The following CADPS2 variants were observed in gnomAD, a reference collection of about 807,000 sequenced individuals.
CADPS2 encodes calcium dependent secretion activator 2.
CADPS2 carries 93 observed loss-of-function variants against 172.5 expected under a neutral mutation model. That is an observed-to-expected ratio of 0.54 (90% CI 0.46 to 0.64). CADPS2 has a LOEUF of 0.64. Ranked by LOEUF, CADPS2 falls within the 30% of genes least tolerant of loss-of-function variation. CADPS2 has a pLI of 0.00. For synonymous variants in CADPS2, 546 were observed against 555.2 expected (o/e 0.98, Z 0.23); for missense variants, 1,420 against 1,565.9 (o/e 0.91, Z 1.57).
intron 3 of CADPS2, among the ~76,000 whole-genome samples, chr7:122,652,261 A>G (rs1023612662): frequency 1.3e-5 from 2 of 152,148 alleles, no homozygotes; most frequent in African/African-American, 4.8e-5. Flanking sequence ...ACATATATAT[A>G]TATGCTCTGC....
intron 1 of CADPS2, among the ~76,000 whole-genome samples, chr7:122,871,989 A>T (rs764281590): frequency 6.6e-6 from 1 of 152,082 alleles, no homozygotes; most frequent in Non-Finnish European, 1.5e-5. Flanking sequence ...ATCACCATAC[A>T]TATGACAACA....
At chr7:122,756,696 C>T (rs1237301903) in intron 1 of CADPS2, among the ~76,000 whole-genome samples, 1 of 152,004 alleles carries the variant, frequency 6.6e-6, no homozygotes, top group Non-Finnish European at 1.5e-5. Context: ...GTCAGGAGTT[C>T]GAGACCAGCC....
At chr7:122,740,711 T>C (rs761876791) in intron 1 of CADPS2, among the ~76,000 whole-genome samples, 1 of 151,784 alleles carries the variant, frequency 6.6e-6, no homozygotes, top group African/African-American at 2.4e-5. Context: ...TGGCAAAAAA[T>C]ACCATAGGCA....
chr7:122,570,790 A>T (rs1331540907), intron 7 of CADPS2, among the ~76,000 whole-genome samples: 3 of 152,236 alleles, frequency 2.0e-5, no homozygotes, highest in South Asian at 2.1e-4. Context: ...AGGACAAAAA[A>T]CCAAACACCA....
At chr7:122,571,123 A>G (rs2067203439) in intron 7 of CADPS2, among the ~76,000 whole-genome samples, 1 of 152,116 alleles carries the variant, frequency 6.6e-6, no homozygotes, top group African/African-American at 2.4e-5. Context: ...AAGAAGGTAT[A>G]AATAATATGA....
At chr7:122,734,720 A>C (rs1224199026) in intron 2 of CADPS2, among the ~76,000 whole-genome samples, 1 of 152,098 alleles carries the variant, frequency 6.6e-6, no homozygotes, top group Non-Finnish European at 1.5e-5. Flanking sequence ...TTTTCCAACT[A>C]AATTTATTTA....
At chr7:122,592,299 C>A (rs1304688555) in intron 6 of CADPS2, among the ~76,000 whole-genome samples, 4 of 152,088 alleles carry the variant, frequency 2.6e-5, no homozygotes, top group Non-Finnish European at 4.4e-5. Flanking sequence ...TACCATCTCA[C>A]ACCAGTTAGA....
chr7:122,639,171 T>G (rs1385638669), intron 3 of CADPS2, among the ~76,000 whole-genome samples: 2 of 152,238 alleles, frequency 1.3e-5, no homozygotes, highest in Non-Finnish European at 2.9e-5. Context: ...TTTTATGTAA[T>G]GTTAGAATTG....
chr7:122,510,544 A>C (rs894983814), intron 9 of CADPS2, among the ~76,000 whole-genome samples: 3 of 152,188 alleles, frequency 2.0e-5, no homozygotes, highest in Non-Finnish European at 2.9e-5. Context: ...TTATGAGGAC[A>C]AATTCTTGAG....
intron 20 of CADPS2, among the ~76,000 whole-genome samples, chr7:122,398,694 C>T (rs896664366): frequency 6.8e-6 from 1 of 147,572 alleles, no homozygotes; most frequent in Non-Finnish European, 1.5e-5. Context: ...GAAAAGCCAG[C>T]AGAACTGCAG....
At chr7:122,691,000 C>T (rs1229127201) in intron 2 of CADPS2, among the ~76,000 whole-genome samples, 1 of 152,196 alleles carries the variant, frequency 6.6e-6, no homozygotes, top group African/African-American at 2.4e-5. Flanking sequence ...GGCCCCATGG[C>T]CTTATCTTGC....
chr7:122,492,443 T>G (rs1054627094), intron 9 of CADPS2, among the ~76,000 whole-genome samples: 2 of 152,048 alleles, frequency 1.3e-5, no homozygotes, highest in Non-Finnish European at 2.9e-5. Flanking sequence ...GTGTGTCTGC[T>G]TGGATCACAA....
chr7:122,332,194 C>T (rs2035068396), intron 28 of CADPS2: 1 of 152,130 alleles, frequency 6.6e-6, no homozygotes, highest in African/African-American at 2.4e-5. Flanking sequence ...AATCACACTC[C>T]CTATTAGGAT....
chr7:122,759,490 C>T (rs1312654694), intron 1 of CADPS2, among the ~76,000 whole-genome samples: 3 of 152,108 alleles, frequency 2.0e-5, no homozygotes, highest in African/African-American at 7.2e-5. Flanking sequence ...TTTCATCATA[C>T]AAGTCACATT....
chr7:122,781,275 A>G (rs1378148192), intron 1 of CADPS2, among the ~76,000 whole-genome samples: 1 of 152,152 alleles, frequency 6.6e-6, no homozygotes, highest in Non-Finnish European at 1.5e-5. Flanking sequence ...TTTCCATGCA[A>G]TTGCTATAAA....
At chr7:122,481,693 A>C (rs1372185840) in intron 11 of CADPS2, among the ~76,000 whole-genome samples, 2 of 151,664 alleles carry the variant, frequency 1.3e-5, no homozygotes, top group Non-Finnish European at 2.9e-5. Context: ...ATAAATTGAT[A>C]TCGAATAATA....
chr7:122,705,657 T>G (rs1176532486), intron 2 of CADPS2, among the ~76,000 whole-genome samples: 2 of 91,468 alleles, frequency 2.2e-5, no homozygotes, highest in Non-Finnish European at 3.9e-5. Flanking sequence ...ATATAATATA[T>G]CTCATATATA....
chr7:122,635,119 T>C (rs1177234143), intron 3 of CADPS2, among the ~76,000 whole-genome samples: 1 of 152,154 alleles, frequency 6.6e-6, no homozygotes. Context: ...AGAATGTATA[T>C]TCTGTGATTG....
intron 8 of CADPS2, among the ~76,000 whole-genome samples, chr7:122,545,605 G>A (rs1587089017): frequency 6.6e-6 from 1 of 152,062 alleles, no homozygotes; most frequent in Non-Finnish European, 1.5e-5. Context: ...GTGGAAAATG[G>A]GAACATCGTA....
Sources: gnomAD v4.1 joint callset for allele counts (sites outside exome capture counted in the v4.1 genomes callset) on GRCh38, gnomAD v4.1.1 for gene constraint, MANE v1.5 for transcripts, NCBI Gene and HGNC (gene_info 2026-07-23, HGNC 2026-07-21) for gene names.